The following KPNA6 variants were observed in gnomAD, a reference collection of about 807,000 sequenced individuals.
KPNA6 encodes importin subunit alpha-7.
In KPNA6, 9 loss-of-function variants were observed where a neutral mutation model predicts 72.0. The observed-to-expected ratio is 0.13, with a 90% confidence interval of 0.08 to 0.22. KPNA6 has a LOEUF of 0.22. Among genes scored for constraint, KPNA6 ranks in the 10% least tolerant of loss-of-function variants. The pLI, the probability that KPNA6 is intolerant of heterozygous loss-of-function variation, is 1.00. For missense variants in KPNA6, 374 were observed against 655.7 expected (o/e 0.57, Z 4.69); for synonymous variants, 219 against 242.1 (o/e 0.90, Z 0.89).
chr1:32,154,457 A>G (rs1034491272), intron 1 of KPNA6, 131 bp from the exon 2 acceptor site: 12 of 870,362 alleles, frequency 1.4e-5, no homozygotes, highest in South Asian at 1.9e-5. Flanking sequence ...GTCAGGTGCT[A>G]TTGAGAGCTC....
intron 1 of KPNA6, among the ~76,000 whole-genome samples, chr1:32,142,623 A>C (rs959359788): frequency 3.3e-5 from 5 of 152,206 alleles, no homozygotes; most frequent in African/African-American, 1.2e-4. Flanking sequence ...CCTAGAAATG[A>C]AAGGTGTGAC....
intron 1 of KPNA6, among the ~76,000 whole-genome samples, chr1:32,151,229 G>A (rs1315640589): frequency 1.3e-5 from 2 of 152,118 alleles, no homozygotes; most frequent in African/African-American, 2.4e-5. Context: ...TCGTTTTTAA[G>A]CTTCATGAGT....
intron 10 of KPNA6, 114 bp from the exon 11 acceptor site, chr1:32,165,991 C>CT (rs1417844406): frequency 9.2e-5 from 111 of 1,207,544 alleles, no homozygotes; most frequent in Non-Finnish European, 1.2e-4. Context: ...GAGCGAGACT[C>CT]TGTCTCAAAA....
rs774154486 is a variant in KPNA6 at position 32,166,214 on chromosome 1, A to G, written c.1100A>G (p.Asn367Ser). The G allele has an allele frequency of 1.8e-5, 29 of 1,613,926 alleles. No homozygotes were observed. The highest frequency in any genetic ancestry group is 2.5e-5 in the Non-Finnish European group (29 of 1,179,976). ...CWTISNITAG[N>S]RAQIQAVIDA... ...ACTATTTCAAATATTACTGCTGGCA[A>G]CAGGGCTCAAATACAGGTAAAACAG... The change falls in exon 11 of 14, where the codon AAC (asparagine) becomes AGC (serine). Residue 367 changes from asparagine (N) to serine (S), a missense_variant. This residue lies in a region of KPNA6 where 298 missense variants were observed against 495.4 expected (regional missense o/e 0.60). Coordinates refer to ENST00000373625, the MANE Select transcript of KPNA6 (RefSeq NM_012316.5).
At chr1:32,139,458 A>G (rs1641800778) in intron 1 of KPNA6, among the ~76,000 whole-genome samples, 1 of 152,184 alleles carries the variant, frequency 6.6e-6, no homozygotes, top group African/African-American at 2.4e-5. Context: ...TACTATATAT[A>G]TATGTTTTTT....
At chr1:32,109,067 A>G (rs1569976722) in intron 1 of KPNA6, among the ~76,000 whole-genome samples, 1 of 152,166 alleles carries the variant, frequency 6.6e-6, no homozygotes, top group East Asian at 1.9e-4. Flanking sequence ...TACCATTGCC[A>G]TTTTACAGAT....
chr1:32,162,461 C>T lies in KPNA6; in HGVS notation c.848C>T (p.Pro283Leu). The T allele has an allele frequency of 6.2e-7, 1 of 1,614,068 alleles. No individual in the cohort carries two copies. The highest frequency in any genetic ancestry group is 8.5e-7 in the Non-Finnish European group (1 of 1,180,008). The change falls in exon 9 of 14, where the codon CCC becomes CTC. Residue 283 changes from proline to leucine, a missense_variant. Coordinates refer to ENST00000373625, the MANE Select transcript of KPNA6 (RefSeq NM_012316.5). ...CWALSYLSDG[P>L]NEKIQAVIDS... is the part of the protein sequence containing the mutation. ...GCCCTTTCTTATCTGTCTGATGGCCCCAATGAGAAGATCCAGGCAGTCATA... is the reference window on the plus strand; with the variant it reads ...GCCCTTTCTTATCTGTCTGATGGCCTCAATGAGAAGATCCAGGCAGTCATA...
chr1:32,154,635 A>C lies in KPNA6; in HGVS notation c.52A>C (p.Lys18Gln). The C allele has an allele frequency of 6.2e-7, 1 of 1,614,014 alleles. No individual in the cohort carries two copies. Among genetic ancestry groups the C allele is most frequent in the East Asian group, 2.2e-5 (1 of 44,888 alleles). ...GKDNYRMKSY[K>Q]NNALNPEEMR... ...AGACAATTATCGAATGAAGAGCTATAAGAACAATGCTCTAAACCCTGAAGA... is the reference window on the plus strand; with the variant it reads ...AGACAATTATCGAATGAAGAGCTATCAGAACAATGCTCTAAACCCTGAAGA... The change falls in exon 2 of 14, where the codon AAG (lysine) becomes CAG (glutamine). Residue 18 changes from lysine to glutamine, a missense_variant. Around this residue, in one of 3 missense-constraint regions of KPNA6, gnomAD observed 298 missense variants for 495.4 expected, o/e 0.60. Transcript: ENST00000373625.
chr1:32,167,866 A>C lies in KPNA6; in HGVS notation c.1244+570A>C, dbSNP rs567513761. Among the ~76,000 whole-genome samples, 604 of 151,750 alleles carry C rather than the reference A, an allele frequency of 4.0e-3. 8 individuals carry two copies. The highest frequency in any genetic ancestry group is 0.013 in the African/African-American group (531 of 41,312). ...CAGAGTCTGTCACAAAAAAAAAAAA[A>C]AACAAAAAAAAACAAGCAAGCTGGT... is the stretch of plus-strand genomic sequence containing the variant. On this transcript the variant is annotated intron_variant, in intron 12 of 13. Coordinates refer to ENST00000373625, the MANE Select transcript of KPNA6 (RefSeq NM_012316.5).
intron 1 of KPNA6, among the ~76,000 whole-genome samples, chr1:32,130,822 G>C (rs1295968422): frequency 6.6e-6 from 1 of 151,842 alleles, no homozygotes; most frequent in Non-Finnish European, 1.5e-5. Context: ...GGCTCATGTG[G>C]ATCATTGATT....
At chr1:32,158,227 G>C (rs1642177510) in intron 4 of KPNA6, 40 bp from the exon 5 acceptor site, 1 of 1,393,188 alleles carries the variant, frequency 7.2e-7, no homozygotes. Context: ...ATCAGCAAAA[G>C]CTTCTCCTGT....
chr1:32,165,755 T>C (rs1420410938), intron 10 of KPNA6, among the ~76,000 whole-genome samples: 1 of 151,826 alleles, frequency 6.6e-6, no homozygotes, highest in Non-Finnish European at 1.5e-5. Flanking sequence ...CCCAACACTT[T>C]GGGAGGCCGA....
At chr1:32,148,817 A>G (rs1641977996) in intron 1 of KPNA6, among the ~76,000 whole-genome samples, 1 of 151,900 alleles carries the variant, frequency 6.6e-6, no homozygotes, top group Non-Finnish European at 1.5e-5. Context: ...TCAGCCTCCC[A>G]AAGTGCTGGG....
In KPNA6 at chr1:32,156,837, G is replaced by C. The variant is rs1179036386; in HGVS notation, c.139-16G>C. 1 of 1,598,160 alleles carries C rather than the reference G, an allele frequency of 6.3e-7. No homozygotes were observed. The highest frequency in any genetic ancestry group is 8.6e-7 in the Non-Finnish European group (1 of 1,165,968). ...GGTTCAGAGAGTACTCTTAACCACT[G>C]TCTCTTTACTTTCAGCTTTTTAAAC... On this transcript the variant is annotated splice_polypyrimidine_tract_variant and intron_variant, in intron 2 of 13. Transcript: ENST00000373625.
intron 1 of KPNA6, among the ~76,000 whole-genome samples, chr1:32,153,729 C>T (rs997450323): frequency 6.6e-6 from 1 of 151,936 alleles, no homozygotes; most frequent in Non-Finnish European, 1.5e-5. Context: ...TTTATGACAC[C>T]CAGTAGATTG....
At chr1:32,124,753 C>T (rs1444772036) in intron 1 of KPNA6, among the ~76,000 whole-genome samples, 6 of 151,540 alleles carry the variant, frequency 4.0e-5, no homozygotes, top group Admixed American at 2.0e-4. Context: ...GCAATCCTTC[C>T]GCCTTGGCCT....
intron 1 of KPNA6, among the ~76,000 whole-genome samples, chr1:32,148,535 C>T (rs1161076376): frequency 4.6e-5 from 7 of 151,248 alleles, no homozygotes; most frequent in South Asian, 2.1e-4. Flanking sequence ...CTTAGGACTC[C>T]CATAATGTGG....
At position 32,127,566 on chromosome 1, in the gene KPNA6, T is replaced by C. The variant is rs188232505; in HGVS notation, c.4+19432T>C. The stretch of plus-strand genomic sequence containing the variant: ...AGGAAGAGCTAATCAGAGGGATTTT[T>C]ATAATTCAGCTGACAGACAATGCAG... On this transcript the variant is annotated intron_variant, in intron 1 of 13. Transcript: ENST00000373625. 2.0e-5 allele frequency among the ~76,000 whole-genome samples: 3 copies of C among 152,366 alleles called. No homozygotes were observed. In the East Asian group the frequency reaches 5.8e-4, roughly 29 times the overall value.
chr1:32,118,999 T>TAC (rs1406820198), intron 1 of KPNA6, among the ~76,000 whole-genome samples: 6 of 53,038 alleles, frequency 1.1e-4, no homozygotes, highest in Admixed American at 2.9e-4. Flanking sequence ...TGTGTATACA[T>TAC]ATATATATAT....
Sources: gnomAD v4.1 joint callset for allele counts (sites outside exome capture counted in the v4.1 genomes callset) on GRCh38, gnomAD v4.1.1 for gene constraint, gnomAD v4.1.1 regional missense constraint, MANE v1.5 for transcripts, NCBI Gene and HGNC (gene_info 2026-07-23, HGNC 2026-07-21) for gene names.